SLC38A9: variants seen among roughly 807,000 people sequenced by gnomAD.
SLC38A9 encodes the protein neutral amino acid transporter 9.
Under a neutral mutation model 62.3 loss-of-function variants are expected in SLC38A9, and 48 were observed. The ratio of observed to expected loss-of-function variants is 0.77; its 90% CI spans 0.61 to 0.98. The LOEUF (loss-of-function observed/expected upper bound fraction) is 0.98. Ranked by LOEUF, SLC38A9 falls within the 50% of genes least tolerant of loss-of-function variation. The pLI is 0.00. For missense variants in SLC38A9, 541 were observed against 679.8 expected (o/e 0.80, Z 2.27); for synonymous variants, 204 against 227.7 (o/e 0.90, Z 0.94).
intron 10 of SLC38A9, among the ~76,000 whole-genome samples, chr5:55,650,604 T>C (rs898532885): frequency 1.3e-5 from 2 of 152,202 alleles, no homozygotes; most frequent in African/African-American, 2.4e-5. Flanking sequence ...ATTAGCTGAT[T>C]CAGAAAGGAT....
At chr5:55,682,816 C>T (rs1753219638) in intron 3 of SLC38A9, among the ~76,000 whole-genome samples, 1 of 152,120 alleles carries the variant, frequency 6.6e-6, no homozygotes, top group African/African-American at 2.4e-5. Context: ...GTATTTAGCA[C>T]CCCTTATTTT....
chr5:55,670,034 G>A (rs1408544069), intron 4 of SLC38A9, among the ~76,000 whole-genome samples, 155 bp from the exon 5 acceptor site: 2 of 151,874 alleles, frequency 1.3e-5, no homozygotes, highest in Admixed American at 1.3e-4. Flanking sequence ...ACGCGATCTC[G>A]GCTCACTGCA....
chr5:55,695,789 T>C (rs1423448593), intron 3 of SLC38A9, among the ~76,000 whole-genome samples: 1 of 77,650 alleles, frequency 1.3e-5, no homozygotes, highest in African/African-American at 3.9e-5. Context: ...TGGGCACACC[T>C]CCCAGACGGG....
intron 12 of SLC38A9, among the ~76,000 whole-genome samples, chr5:55,645,341 C>G (rs1482334448): frequency 1.3e-5 from 2 of 152,210 alleles, no homozygotes; most frequent in African/African-American, 4.8e-5. Flanking sequence ...AGGCCTGAGC[C>G]ACCACGCCCA....
At chr5:55,626,771 T>C in intron 15 of SLC38A9, 112 bp from the exon 16 acceptor site, 1 of 928,624 alleles carries the variant, frequency 1.1e-6, no homozygotes, top group East Asian at 2.7e-5. Context: ...CAACAAAAAT[T>C]ATTTTTGATT....
In SLC38A9 at chr5:55,676,714, C is replaced by T. The variant is rs6892400; in HGVS notation, c.114-4019G>A. ...CCGAATTTGAAGACTTTTTCTACGA[C>T]GACACATAGGTGTCAATAGTATGCT... is the stretch of plus-strand genomic sequence containing the variant. On this transcript the variant is annotated intron_variant, in intron 3 of 15. Coordinates refer to ENST00000396865, the MANE Select transcript of SLC38A9 (RefSeq NM_173514.4). Among the ~76,000 whole-genome samples the T allele has an allele frequency of 9.5e-3, 1,446 of 152,186 alleles. 24 individuals carry two copies. Among genetic ancestry groups the T allele is most frequent in the African/African-American group, 0.033 (1,379 of 41,526 alleles).
Position 55,633,757 on chromosome 5 carries a change from G to C in SLC38A9, c.1427C>G (p.Pro476Arg). ...TGGTCAAGAGAAGAGCCCTTACCTA[G>C]GATAAATGTCACCGAAGATATGGCC... Reference protein sequence around the residue: ...LLGHIFGDIYPSIFHVLILNL... With the variant: ...LLGHIFGDIYRSIFHVLILNL... The change falls in exon 14 of 16, where the codon CCT (proline) becomes CGT (arginine). Residue 476 changes from proline (P) to arginine (R), a missense_variant. By Grantham distance (103) the Pro-to-Arg change is moderately radical. Transcript: ENST00000396865. The C allele has an allele frequency of 6.2e-7, 1 of 1,614,144 alleles. No individual in the cohort carries two copies. The highest frequency in any genetic ancestry group is 8.5e-7 in the Non-Finnish European group (1 of 1,180,016).
chr5:55,680,506 T>C (rs1417532405), intron 3 of SLC38A9, among the ~76,000 whole-genome samples: 1 of 152,256 alleles, frequency 6.6e-6, no homozygotes, highest in African/African-American at 2.4e-5. Flanking sequence ...GGCTAGCTTG[T>C]TCTTCAGCTC....
chr5:55,681,207 T>G, intron 3 of SLC38A9, among the ~76,000 whole-genome samples: 1 of 152,130 alleles, frequency 6.6e-6, no homozygotes, highest in East Asian at 1.9e-4. Context: ...TAGAAAGAAA[T>G]CAAAATATGA....
chr5:55,709,011 T>C (rs75251763), intron 2 of SLC38A9, among the ~76,000 whole-genome samples: 1,571 of 152,358 alleles, frequency 0.01, 24 homozygotes, highest in African/African-American at 0.036. Flanking sequence ...TTTTCTTCTG[T>C]ATTAGTCTGT....
In SLC38A9 at chr5:55,635,347, T is replaced by C. The variant is rs866965877; in HGVS notation, c.1281+197A>G. Reference sequence around the variant, plus strand: ...AAAAATCAAATGGGGGTACTTATTATACTATTTAATGGAAAAGAAAAATAA... The same window carrying C: ...AAAAATCAAATGGGGGTACTTATTACACTATTTAATGGAAAAGAAAAATAA... On this transcript the variant is annotated intron_variant, in intron 13 of 15. Transcript: ENST00000396865. 7 of 609,042 alleles carry C rather than the reference T, an allele frequency of 1.1e-5. 1 individual carries two copies. In the Middle Eastern group the frequency reaches 2.1e-3, roughly 179 times the overall value. 37.7% of individuals were successfully genotyped at this position (609,042 alleles called of 1,614,324 possible). A position where few individuals can be genotyped will look rare whatever the true frequency, so the allele number is the denominator to read the frequency against.
chr5:55,629,537 G>A (rs182034758), intron 14 of SLC38A9, among the ~76,000 whole-genome samples: 60 of 152,256 alleles, frequency 3.9e-4, no homozygotes, highest in Non-Finnish European at 4.1e-4. Context: ...ACATCTGCGC[G>A]TACTGCAGTA....
intron 9 of SLC38A9, among the ~76,000 whole-genome samples, chr5:55,656,021 T>C (rs1017989891): frequency 8.5e-5 from 13 of 152,266 alleles, no homozygotes; most frequent in Non-Finnish European, 1.3e-4. Context: ...ACTAAAACAA[T>C]AGATCTCTAA....
chr5:55,689,701 C>T (rs1754459478), intron 3 of SLC38A9, among the ~76,000 whole-genome samples: 1 of 152,170 alleles, frequency 6.6e-6, no homozygotes, highest in Non-Finnish European at 1.5e-5. Flanking sequence ...CAACGAGGCT[C>T]CCTCTTTCTT....
chr5:55,686,158 G>A (rs1163179984), intron 3 of SLC38A9, among the ~76,000 whole-genome samples: 1 of 151,650 alleles, frequency 6.6e-6, no homozygotes, highest in African/African-American at 2.4e-5. Context: ...GGGATTGCTG[G>A]GTCGAATGGT....
intron 4 of SLC38A9, among the ~76,000 whole-genome samples, chr5:55,671,847 C>CA (rs200841336): frequency 6.7e-6 from 1 of 149,776 alleles, no homozygotes; most frequent in Non-Finnish European, 1.5e-5. Flanking sequence ...CACTCCATCT[C>CA]AAAAAAAAAG....
At chr5:55,672,186 TA>T (rs1345405830) in intron 4 of SLC38A9, among the ~76,000 whole-genome samples, 1 of 152,114 alleles carries the variant, frequency 6.6e-6, no homozygotes, top group Non-Finnish European at 1.5e-5. Flanking sequence ...TCTAAAAAAA[TA>T]TTTCCCTTAC....
intron 9 of SLC38A9, among the ~76,000 whole-genome samples, chr5:55,654,852 T>TC (rs1186533475): frequency 6.6e-6 from 1 of 150,632 alleles, no homozygotes; most frequent in Non-Finnish European, 1.5e-5. Flanking sequence ...AGCTGTAATT[T>TC]TTTTTTTGAG....
intron 2 of SLC38A9, chr5:55,711,216 C>G (rs1757991387): frequency 6.6e-6 from 1 of 151,258 alleles, no homozygotes; most frequent in Non-Finnish European, 1.5e-5. Context: ...TCGCTTGAAC[C>G]AGGGAGGCGG....
Sources: gnomAD v4.1 joint callset for allele counts (sites outside exome capture counted in the v4.1 genomes callset) on GRCh38, gnomAD v4.1.1 for gene constraint, MANE v1.5 for transcripts, NCBI Gene and HGNC (gene_info 2026-07-23, HGNC 2026-07-21) for gene names.